ACBD7: variants seen among roughly 807,000 people sequenced by gnomAD.
ACBD7 encodes the protein acyl-CoA binding domain containing 7, also known as acyl-CoA-binding domain-containing protein 7.
A neutral mutation model predicts 13.7 loss-of-function variants in ACBD7; 11 were observed. That is an observed-to-expected ratio of 0.80 (90% CI 0.50 to 1.33). The LOEUF is 1.33. ACBD7 is among the 40% of genes most tolerant of loss of function. ACBD7 has a pLI of 0.00. For missense variants in ACBD7, 111 were observed against 103.0 expected (o/e 1.08, Z -0.33); for synonymous variants, 43 against 37.7 (o/e 1.14, Z -0.51).
At chr10:15,088,462 C>T (rs1844834419) in intron 1 of ACBD7, 2 of 540,140 alleles carry the variant, frequency 3.7e-6, no homozygotes, top group African/African-American at 2.0e-5. Context: ...TCCGTGCTCC[C>T]CGGCGCTCCT....
intron 1 of ACBD7, among the ~76,000 whole-genome samples, chr10:15,086,530 G>T (rs931597082): frequency 6.6e-6 from 1 of 152,142 alleles, no homozygotes; most frequent in African/African-American, 2.4e-5. Context: ...ATTTTAGAAA[G>T]AACATTTTGA....
chr10:15,076,686 T>G lies in ACBD7; in HGVS notation c.*1844A>C. ...GGCTGGCTAATTTTTGTATTTTTAG[T>G]AGAGATGGGGTTTTGCAATGTTGGT... On this transcript the variant is annotated 3_prime_UTR_variant, in exon 4 of 4. Transcript: ENST00000356189. The G allele has an allele frequency of 1.3e-6, 1 of 745,722 alleles. No homozygotes were observed. The highest frequency in any genetic ancestry group is 1.6e-6 in the Non-Finnish European group (1 of 611,616). 46.2% of individuals were successfully genotyped at this position (745,722 alleles called of 1,614,324 possible).
At chr10:15,083,972 A>G (rs1041158) in intron 1 of ACBD7, among the ~76,000 whole-genome samples, 134,160 of 152,254 alleles carry the variant, frequency 0.88, 59,512 homozygotes, top group East Asian at 0.99. Flanking sequence ...GAACAGGGCA[A>G]CGGTGACCAC....
At chr10:15,088,169 A>G (rs144844652) in intron 1 of ACBD7, 1,752 of 153,210 alleles carry the variant, frequency 0.011, 42 homozygotes, top group African/African-American at 0.04. Flanking sequence ...ACTAGGACAT[A>G]CTAGGAATTA....
rs1002417537 is a variant in ACBD7 at position 15,088,770 on chromosome 10, G to A, written c.-42C>T. The A allele has an allele frequency of 1.9e-6, 3 of 1,597,090 alleles. No homozygotes were observed. Among genetic ancestry groups the A allele is most frequent in the Admixed American group, 1.7e-5 (1 of 58,986 alleles). ...TTGTTGCTGCTGCTGTTGTCGTCCG[G>A]TGCTCTGCCCCCTCTCGCACCCACC... On this transcript the variant is annotated 5_prime_UTR_variant, in exon 1 of 4. Transcript: ENST00000356189.
chr10:15,082,835 G>A (rs976938226), intron 1 of ACBD7, among the ~76,000 whole-genome samples: 2 of 152,128 alleles, frequency 1.3e-5, no homozygotes, highest in Admixed American at 6.6e-5. Context: ...TCAAGAGTTC[G>A]AGACCAGCCT....
intron 1 of ACBD7, chr10:15,088,378 G>C: frequency 2.2e-6 from 1 of 462,294 alleles, no homozygotes; most frequent in Non-Finnish European, 3.8e-6. Flanking sequence ...AGAGGTCCTG[G>C]AGGTCCCAAC....
rs1206848857 is a variant in ACBD7 at position 15,076,824 on chromosome 10, C to T, written c.*1706G>A. ...AGCCTTGCCATTGATTCTTAATAAC[C>T]TGTTTTTATTTCACCAGTAACATTA... On this transcript the variant is annotated 3_prime_UTR_variant, in exon 4 of 4. Coordinates refer to ENST00000356189, the MANE Select transcript of ACBD7 (RefSeq NM_001039844.3). 6.1e-6 allele frequency: 6 copies of T among 985,224 alleles called. No homozygotes were observed. The East Asian group carries it at 6.8e-4, about 112-fold the overall frequency. The allele number at this position is 985,224 out of a possible 1,614,324, so 61.0% of individuals were successfully genotyped here.
intron 1 of ACBD7, among the ~76,000 whole-genome samples, chr10:15,079,545 G>T (rs1012738629): frequency 8.0e-5 from 12 of 150,826 alleles, no homozygotes; most frequent in Middle Eastern, 7.1e-3. Flanking sequence ...AAAGTGCTGT[G>T]ACTACAGGCG....
In ACBD7 at chr10:15,079,049, A is replaced by G. The variant is rs11259462; in HGVS notation, c.13-9T>C. 4.0e-3 allele frequency: 6,338 copies of G among 1,591,582 alleles called. 251 individuals carry two copies. The African/African-American group carries it at 0.077, about 19-fold the overall frequency. ...GCCCTGTCAAAATCAGCCTAAAGGA[A>G]GAACAAACAAACAAACAAAAGGAGC... On this transcript the variant is annotated splice_polypyrimidine_tract_variant and intron_variant, in intron 1 of 3. Coordinates refer to ENST00000356189, the MANE Select transcript of ACBD7 (RefSeq NM_001039844.3).
intron 1 of ACBD7, among the ~76,000 whole-genome samples, chr10:15,079,825 C>T (rs975201646): frequency 1.3e-5 from 2 of 151,920 alleles, no homozygotes; most frequent in East Asian, 1.9e-4. Flanking sequence ...GATCCACCCA[C>T]CTTGGCCTCC....
rs1213543650 is a variant in ACBD7 at position 15,076,223 on chromosome 10, C to T, written c.*2307G>A. On this transcript the variant is annotated 3_prime_UTR_variant, in exon 4 of 4. Coordinates refer to ENST00000356189, the MANE Select transcript of ACBD7 (RefSeq NM_001039844.3). ...TTGGGGGATATTTATCTTAAGGGATCTCAAACAATTTTTTGAATTGTTAAC... is the reference window on the plus strand; with the variant it reads ...TTGGGGGATATTTATCTTAAGGGATTTCAAACAATTTTTTGAATTGTTAAC... 1 of 985,104 alleles carries T rather than the reference C, an allele frequency of 1.0e-6. No individual in the cohort carries two copies. The highest frequency in any genetic ancestry group is 6.2e-5 in the Admixed American group (1 of 16,232). 61.0% of individuals were successfully genotyped at this position (985,104 alleles called of 1,614,324 possible).
chr10:15,076,040 C>A lies in ACBD7; in HGVS notation c.*2490G>T. ...TATATAAATGGAATTATACATGTCA[C>A]ATTTGGGGACTGGCTTTTTCTGCTC... is the stretch of plus-strand genomic sequence containing the variant. On this transcript the variant is annotated 3_prime_UTR_variant, in exon 4 of 4. Coordinates refer to ENST00000356189, the MANE Select transcript of ACBD7 (RefSeq NM_001039844.3). 2 of 770,624 alleles carry A rather than the reference C, an allele frequency of 2.6e-6. No individual in the cohort carries two copies. The highest frequency in any genetic ancestry group is 3.2e-6 in the Non-Finnish European group (2 of 634,736). The allele number at this position is 770,624 out of a possible 1,614,324, so 47.7% of individuals were successfully genotyped here.
intron 1 of ACBD7, among the ~76,000 whole-genome samples, chr10:15,087,744 C>T (rs957071067): frequency 6.6e-6 from 1 of 151,664 alleles, no homozygotes; most frequent in Admixed American, 6.6e-5. Flanking sequence ...CACCACTGCA[C>T]TCCAGCCTGG....
chr10:15,080,218 A>C (rs1349064197), intron 1 of ACBD7, among the ~76,000 whole-genome samples: 1 of 152,172 alleles, frequency 6.6e-6, no homozygotes, highest in Non-Finnish European at 1.5e-5. Context: ...TTTAGAGCTT[A>C]TTAGGGAAAA....
At chr10:15,084,554 G>A (rs1844787484) in intron 1 of ACBD7, among the ~76,000 whole-genome samples, 1 of 152,214 alleles carries the variant, frequency 6.6e-6, no homozygotes, top group East Asian at 1.9e-4. Flanking sequence ...CAGGGTGGGA[G>A]CAGGCCGAGC....
intron 1 of ACBD7, chr10:15,088,444 A>C (rs1276096280): frequency 4.3e-5 from 22 of 514,744 alleles, no homozygotes; most frequent in Non-Finnish European, 6.4e-5. Flanking sequence ...GGAGAGGAGG[A>C]GGCCCGCTCC....
At chr10:15,085,583 A>G (rs1182820719) in intron 1 of ACBD7, among the ~76,000 whole-genome samples, 1 of 152,208 alleles carries the variant, frequency 6.6e-6, no homozygotes, top group Non-Finnish European at 1.5e-5. Context: ...GGAAGAGGTT[A>G]GTCTTTTTTT....
At chr10:15,085,742 A>G (rs72774382) in intron 1 of ACBD7, among the ~76,000 whole-genome samples, 9,628 of 152,298 alleles carry the variant, frequency 0.063, 377 homozygotes, top group Middle Eastern at 0.068. Flanking sequence ...GAGGATGGAA[A>G]CATATTGTAA....
Sources: allele counts gnomAD v4.1 joint callset (sites outside exome capture counted in the v4.1 genomes callset), GRCh38; gene constraint gnomAD v4.1.1; transcripts MANE v1.5; gene names NCBI Gene and HGNC (gene_info 2026-07-23, HGNC 2026-07-21).